Variants in ZNF655 observed in about 807,000 individuals in gnomAD.
ZNF655 encodes Vav-interacting Kruppel-like protein 1.
In ZNF655, 3 loss-of-function variants were observed where a neutral mutation model predicts 6.6. The ratio of observed to expected loss-of-function variants is 0.46; its 90% CI spans 0.21 to 1.18. The LOEUF is 1.18. Among genes scored for constraint, ZNF655 ranks in the 50% most tolerant of loss-of-function variants. The pLI is 0.24. For synonymous variants in ZNF655, 178 were observed against 195.0 expected (o/e 0.91, Z 0.73); for missense variants, 526 against 572.3 (o/e 0.92, Z 0.83).
intron 2 of ZNF655, chr7:99,571,815 G>A (rs1403824307): frequency 6.6e-7 from 1 of 1,507,740 alleles, no homozygotes; most frequent in Admixed American, 2.0e-5. Context: ...GAATCAGATA[G>A]AATTAGTAGG....
intron 2 of ZNF655, among the ~76,000 whole-genome samples, chr7:99,569,008 C>T (rs1803840755): frequency 6.6e-6 from 1 of 151,800 alleles, no homozygotes; most frequent in Non-Finnish European, 1.5e-5. Context: ...TGGTCTCAGA[C>T]TCTTGGGCTG....
chr7:99,561,123 C>T (rs146804127), intron 2 of ZNF655, among the ~76,000 whole-genome samples: 2 of 152,308 alleles, frequency 1.3e-5, no homozygotes, highest in East Asian at 3.9e-4. Flanking sequence ...TCTGTTGTAA[C>T]TGCAGTGTTT....
chr7:99,572,111 G>A (rs532397472), intron 2 of ZNF655, 134 bp from the exon 3 acceptor site: 7 of 937,900 alleles, frequency 7.5e-6, no homozygotes, highest in Non-Finnish European at 1.1e-5. Context: ...GAGATTTTGT[G>A]CCTGTTTTTC....
rs1213526786 is a variant in ZNF655 at position 99,576,195 on chromosome 7, A to G, written c.*2611A>G. ...CCATCAGCAAGAGTAGGATTTCATC[A>G]AGGCAAGGTAGGAATCTAAATGAAA... On this transcript the variant is annotated 3_prime_UTR_variant, in exon 3 of 3. Transcript: ENST00000252713. The G allele has an allele frequency of 6.6e-6, 1 of 152,650 alleles. No homozygotes were observed. Among genetic ancestry groups the G allele is most frequent in the Admixed American group, 6.5e-5 (1 of 15,288 alleles). 9.5% of individuals were successfully genotyped at this position (152,650 alleles called of 1,614,324 possible).
At chr7:99,563,103 C>T (rs1300914351) in intron 2 of ZNF655, 6 of 423,366 alleles carry the variant, frequency 1.4e-5, no homozygotes, top group Non-Finnish European at 1.9e-5. Flanking sequence ...TAACCACACC[C>T]AGGGCAGCAG....
intron 2 of ZNF655, chr7:99,564,025 G>T: frequency 6.2e-7 from 1 of 1,610,158 alleles, no homozygotes. Context: ...GATATTGCTC[G>T]TCCCTGCTCG....
At chr7:99,561,299 T>C (rs771763617) in intron 2 of ZNF655, among the ~76,000 whole-genome samples, 1 of 152,334 alleles carries the variant, frequency 6.6e-6, no homozygotes, top group South Asian at 2.1e-4. Flanking sequence ...GAGCTGTGTC[T>C]TAGATTGCCT....
At chr7:99,562,115 C>T (rs1215849837) in intron 2 of ZNF655, 16 of 817,160 alleles carry the variant, frequency 2.0e-5, no homozygotes, top group Non-Finnish European at 2.4e-5. Context: ...TCTTCGGAGA[C>T]CTGGACTTCA....
At chr7:99,563,752 G>T (rs148070228) in intron 2 of ZNF655, 39 of 1,226,690 alleles carry the variant, frequency 3.2e-5, no homozygotes, top group Admixed American at 2.5e-4. Flanking sequence ...GCATTGCTTT[G>T]TCTCCCTGAT....
In ZNF655 at chr7:99,573,516, G is replaced by A; in HGVS notation, c.1408G>A (p.Glu470Lys). 6.2e-7 allele frequency: 1 copy of A among 1,611,508 alleles called. No individual in the cohort carries two copies. The highest frequency in any genetic ancestry group is 8.5e-7 in the Non-Finnish European group (1 of 1,179,976). ...GAAAGCCTTTGATTGTGATGTATGG[G>A]AAAAGAACTCCAGTCAGAGAGCACA... The part of the protein sequence containing the change: ...RQKAFDCDVW[E>K]KNSSQRAHLV... The change falls in exon 3 of 3, where the codon GAA becomes AAA. Residue 470 changes from glutamate to lysine, a missense_variant. By Grantham distance (56) the Glu-to-Lys change is moderately conservative. Coordinates refer to ENST00000252713, the MANE Select transcript of ZNF655 (RefSeq NM_138494.3).
chr7:99,560,914 G>C (rs536179954), intron 2 of ZNF655: 31 of 414,082 alleles, frequency 7.5e-5, no homozygotes, highest in African/African-American at 6.3e-4. Flanking sequence ...AGTGATGGCT[G>C]CTTACTCGCT....
intron 2 of ZNF655, among the ~76,000 whole-genome samples, chr7:99,566,229 A>G (rs189811716): frequency 1.3e-5 from 2 of 152,274 alleles, no homozygotes; most frequent in African/African-American, 2.4e-5. Context: ...CTTTTTCACT[A>G]CTTTGTGCCC....
intron 2 of ZNF655, chr7:99,571,562 A>G: frequency 1.0e-6 from 1 of 994,898 alleles, no homozygotes; most frequent in Non-Finnish European, 1.4e-6. Context: ...CACTCTCCAG[A>G]CCTTCCTAAT....
rs1429238404 is a variant in ZNF655 at position 99,572,670 on chromosome 7, G to A, written c.562G>A (p.Glu188Lys). The stretch of plus-strand genomic sequence containing the variant: ...TCTAACAGAGGATTTTCAGAGTAGT[G>A]AATGTAAGGAAAGCTTAATGGATCT... ...LNLTEDFQSS[E>K]CKESLMDLSH... The change falls in exon 3 of 3, where the codon GAA (glutamate) becomes AAA (lysine). Residue 188 changes from glutamate (E) to lysine (K), a missense_variant. Transcript: ENST00000252713. 6.2e-7 allele frequency: 1 copy of A among 1,613,686 alleles called. No individual in the cohort carries two copies. Among genetic ancestry groups the A allele is most frequent in the Non-Finnish European group, 8.5e-7 (1 of 1,179,946 alleles).
chr7:99,564,092 C>T, intron 2 of ZNF655: 25 of 1,568,224 alleles, frequency 1.6e-5, no homozygotes, highest in Non-Finnish European at 2.2e-5. Context: ...ATAGAAGCTC[C>T]CCAGGATGCC....
chr7:99,564,184 C>T, intron 2 of ZNF655: 1 of 1,414,486 alleles, frequency 7.1e-7, no homozygotes, highest in Non-Finnish European at 9.2e-7. Context: ...TCTGTTGCAA[C>T]CAGATATGTT....
intron 2 of ZNF655, among the ~76,000 whole-genome samples, chr7:99,564,997 AAATT>A (rs1347457785): frequency 5.3e-5 from 8 of 152,178 alleles, no homozygotes; most frequent in Non-Finnish European, 7.3e-5. Context: ...CTTCATCTGA[AAATT>A]AACCCATTTA....
intron 2 of ZNF655, chr7:99,560,915 CT>C: frequency 2.4e-6 from 1 of 415,894 alleles, no homozygotes; most frequent in Non-Finnish European, 4.1e-6. Flanking sequence ...GTGATGGCTG[CT>C]TACTCGCTGT....
chr7:99,561,493 T>C (rs1231724197), intron 2 of ZNF655, among the ~76,000 whole-genome samples: 3 of 152,216 alleles, frequency 2.0e-5, no homozygotes, highest in Non-Finnish European at 4.4e-5. Context: ...AGAGAAACGC[T>C]GATCAAGTGT....
Sources: gnomAD v4.1 joint callset for allele counts (sites outside exome capture counted in the v4.1 genomes callset) on GRCh38, gnomAD v4.1.1 for gene constraint, MANE v1.5 for transcripts, NCBI Gene and HGNC (gene_info 2026-07-23, HGNC 2026-07-21) for gene names.